The following C6orf52 variants were observed in gnomAD, a reference collection of about 807,000 sequenced individuals.
C6orf52 encodes the protein chromosome 6 open reading frame 52.
A neutral mutation model predicts 16.6 loss-of-function variants in C6orf52; 16 were observed. The observed-to-expected ratio is 0.96, with a 90% CI of 0.65 to 1.46. The LOEUF is 1.46. C6orf52 is among the 40% of genes most tolerant of loss of function. The pLI is 0.00. For missense variants in C6orf52, 166 were observed against 182.3 expected (o/e 0.91, Z 0.52); for synonymous variants, 53 against 61.4 (o/e 0.86, Z 0.64).
chr6:10,681,473 GT>G (rs1768386901), intron 4 of C6orf52, among the ~76,000 whole-genome samples: 1 of 151,802 alleles, frequency 6.6e-6, no homozygotes, highest in Admixed American at 6.6e-5. Flanking sequence ...CTAATTTTGG[GT>G]TTACTTTGTT....
At chr6:10,682,171 A>C (rs1279675313) in intron 4 of C6orf52, among the ~76,000 whole-genome samples, 1 of 152,210 alleles carries the variant, frequency 6.6e-6, no homozygotes, top group Non-Finnish European at 1.5e-5. Context: ...CAATGTATCC[A>C]CATGCCTAAT....
chr6:10,693,903 C>T (rs1769589850), intron 1 of C6orf52, among the ~76,000 whole-genome samples: 1 of 152,056 alleles, frequency 6.6e-6, no homozygotes, highest in African/African-American at 2.4e-5. Flanking sequence ...TAATTTATAA[C>T]ATTTTTGTAG....
rs540840307 is a variant in C6orf52 at position 10,684,795 on chromosome 6, G to C, written c.271-1563C>G. ...ATCTTGGCAAGGACACACGTTATTG[G>C]AGAAGACCAAAATGGGGATGTGGGA... On this transcript the variant is annotated intron_variant, in intron 3 of 4. Transcript: ENST00000259983. The C allele has an allele frequency of 1.4e-3, 1,578 of 1,129,352 alleles. 2 individuals are homozygous for C. Among genetic ancestry groups the C allele is most frequent in the Non-Finnish European group, 1.7e-3 (1,468 of 842,996 alleles). 70.0% of individuals were successfully genotyped at this position (1,129,352 alleles called of 1,614,324 possible).
At chr6:10,689,134 C>T (rs935994895) in intron 1 of C6orf52, among the ~76,000 whole-genome samples, 12 of 152,364 alleles carry the variant, frequency 7.9e-5, no homozygotes, top group Non-Finnish European at 1.5e-4. Context: ...CCCACCACCA[C>T]GCCTGGCTAA....
intron 4 of C6orf52, among the ~76,000 whole-genome samples, chr6:10,681,530 T>C (rs1768394827): frequency 6.6e-6 from 1 of 152,228 alleles, no homozygotes; most frequent in Non-Finnish European, 1.5e-5. Context: ...ACATTTCTAC[T>C]GACCAGTACT....
intron 3 of C6orf52, among the ~76,000 whole-genome samples, chr6:10,685,217 CAA>C (rs1768762970): frequency 8.4e-6 from 1 of 118,460 alleles, no homozygotes; most frequent in Non-Finnish European, 1.7e-5. Flanking sequence ...GACCGTCTCC[CAA>C]AAAAGAGCAA....
chr6:10,674,261 A>T (rs1317469991), intron 4 of C6orf52, among the ~76,000 whole-genome samples: 6 of 152,128 alleles, frequency 3.9e-5, no homozygotes, highest in African/African-American at 1.4e-4. Flanking sequence ...CATCTCCTAA[A>T]ACTATCACAT....
intron 1 of C6orf52, among the ~76,000 whole-genome samples, chr6:10,689,883 G>T (rs1304284260): frequency 6.6e-6 from 1 of 152,204 alleles, no homozygotes; most frequent in Non-Finnish European, 1.5e-5. Flanking sequence ...GACCACTATT[G>T]TTATGTCAGG....
chr6:10,679,364 C>T (rs113808002), intron 4 of C6orf52, among the ~76,000 whole-genome samples: 151 of 149,308 alleles, frequency 1.0e-3, no homozygotes, highest in African/African-American at 3.5e-3. Flanking sequence ...CGCTTGAACC[C>T]GGAGACGGAG....
rs1768120770 is a variant in C6orf52, at chr6:10,678,870, A to AG, written c.316+4316dup. The stretch of plus-strand genomic sequence containing the variant: ...CGCACTTTGGGAGGCGGAGGCAGGA[A>AG]GATCATGAGGTCAGGAGATCGAGAC... On this transcript the variant is annotated intron_variant, in intron 4 of 4. Coordinates refer to ENST00000259983, the MANE Select transcript of C6orf52 (RefSeq NM_001145020.3). Among the ~76,000 whole-genome samples, 5 of 152,108 alleles carry AG rather than the reference A, an allele frequency of 3.3e-5. No homozygotes were observed. In the South Asian group the frequency reaches 1.0e-3, roughly 32 times the overall value.
rs1768926702 is a variant in C6orf52, at chr6:10,687,131, G to C, written c.105C>G (p.Phe35Leu). 3 of 1,551,474 alleles carry C rather than the reference G, an allele frequency of 1.9e-6. No homozygotes were observed. The Admixed American group carries it at 5.9e-5, about 30-fold the overall frequency. Reference sequence around the variant, plus strand: ...CATAGCGGTAACTCTGGCTGGGCTGGAACTCCTGCTTCACTCTAATAGCAG... The same window carrying C: ...CATAGCGGTAACTCTGGCTGGGCTGCAACTCCTGCTTCACTCTAATAGCAG... ...LPSAIRVKQEFQPSQSYRYGN... is the reference protein window; with the variant it reads ...LPSAIRVKQELQPSQSYRYGN... The change falls in exon 3 of 5, where the codon TTC (phenylalanine) becomes TTG (leucine). Residue 35 changes from phenylalanine to leucine, a missense_variant. Physicochemically the swap from Phe to Leu is conservative, Grantham distance 22 (BLOSUM62 0). Transcript: ENST00000259983.
intron 4 of C6orf52, among the ~76,000 whole-genome samples, chr6:10,676,542 C>T (rs1298139674): frequency 1.3e-5 from 2 of 152,250 alleles, no homozygotes; most frequent in Admixed American, 1.3e-4. Flanking sequence ...GCTCCATCTT[C>T]TCTTTGCCAG....
At chr6:10,691,835 T>G (rs529002628) in intron 1 of C6orf52, among the ~76,000 whole-genome samples, 21 of 151,452 alleles carry the variant, frequency 1.4e-4, no homozygotes, top group South Asian at 1.0e-3. Flanking sequence ...AGTTTTGGGG[T>G]TTTTTTTTCT....
rs1435497529 is a variant in C6orf52 at position 10,672,515 on chromosome 6, A to T, written c.317-917T>A. On this transcript the variant is annotated intron_variant, in intron 4 of 4. Transcript: ENST00000259983. ...TGACAGAAGTAGTGCCCTTATAAAA[A>T]GCGACAGCAGGCAGGACACAGCAAC... The T allele has an allele frequency of 4.4e-6, 3 of 682,992 alleles. No homozygotes were observed. In the African/African-American group the frequency reaches 5.4e-5, roughly 12 times the overall value. The allele number at this position is 682,992 out of a possible 1,614,324, so 42.3% of individuals were successfully genotyped here. A position where few individuals can be genotyped will look rare whatever the true frequency, so the allele number is the denominator to read the frequency against.
intron 1 of C6orf52, among the ~76,000 whole-genome samples, chr6:10,690,128 T>C (rs1038550697): frequency 6.6e-6 from 1 of 152,148 alleles, no homozygotes; most frequent in Non-Finnish European, 1.5e-5. Context: ...GTCAATGTAA[T>C]CATGTTGCAA....
intron 4 of C6orf52, among the ~76,000 whole-genome samples, chr6:10,673,872 A>T (rs896910748): frequency 6.6e-6 from 1 of 152,198 alleles, no homozygotes; most frequent in African/African-American, 2.4e-5. Flanking sequence ...AAAAATAGAA[A>T]AAATATATGC....
At chr6:10,686,742 T>C (rs1768897933) in intron 3 of C6orf52, among the ~76,000 whole-genome samples, 1 of 152,222 alleles carries the variant, frequency 6.6e-6, no homozygotes, top group Non-Finnish European at 1.5e-5. Context: ...CAGCAAATCA[T>C]ATAAATTAAA....
intron 4 of C6orf52, among the ~76,000 whole-genome samples, chr6:10,678,151 C>T (rs989524971): frequency 2.0e-5 from 3 of 149,268 alleles, no homozygotes; most frequent in Admixed American, 1.3e-4. Context: ...ACACCACTGC[C>T]CTCCAGCCTG....
chr6:10,672,805 A>G lies in C6orf52; in HGVS notation c.317-1207T>C, dbSNP rs1235793525. Reference sequence around the variant, plus strand: ...AAACCAAATTATCCAGACCCTGGATATTGGATTTCCAGCCTCCAGAATGGT... The same window carrying G: ...AAACCAAATTATCCAGACCCTGGATGTTGGATTTCCAGCCTCCAGAATGGT... On this transcript the variant is annotated intron_variant, in intron 4 of 4. Coordinates refer to ENST00000259983, the MANE Select transcript of C6orf52 (RefSeq NM_001145020.3). Among the ~76,000 whole-genome samples the G allele has an allele frequency of 3.3e-5, 5 of 152,220 alleles. No homozygotes were observed. In the East Asian group the frequency reaches 9.6e-4, roughly 29 times the overall value.
Sources: allele counts gnomAD v4.1 joint callset (sites outside exome capture counted in the v4.1 genomes callset), GRCh38; gene constraint gnomAD v4.1.1; transcripts MANE v1.5; gene names NCBI Gene and HGNC (gene_info 2026-07-23, HGNC 2026-07-21).